PDSS2: variants seen among roughly 807,000 people sequenced by gnomAD.
PDSS2 encodes all trans-polyprenyl-diphosphate synthase PDSS2.
A neutral mutation model predicts 44.5 loss-of-function variants in PDSS2; 31 were observed. The observed-to-expected ratio is 0.70, with a 90% CI of 0.52 to 0.94. The LOEUF is 0.94. Ranked by LOEUF, PDSS2 falls within the 40% of genes least tolerant of loss-of-function variation. PDSS2 has a pLI of 0.00. For missense variants in PDSS2, 452 were observed against 482.2 expected, an observed-to-expected ratio of 0.94 and a Z score of 0.59; for synonymous variants, 157 against 180.3, an observed-to-expected ratio of 0.87 and a Z score of 1.03.
intron 1 of PDSS2, among the ~76,000 whole-genome samples, chr6:107,386,633 C>G (rs1052866583): frequency 6.6e-6 from 1 of 152,118 alleles, no homozygotes; most frequent in African/African-American, 2.4e-5. Context: ...CAAAGTAGGG[C>G]CAATCGAAGT....
intron 1 of PDSS2, among the ~76,000 whole-genome samples, chr6:107,438,057 C>A (rs1400598046): frequency 6.6e-6 from 1 of 152,118 alleles, no homozygotes; most frequent in Non-Finnish European, 1.5e-5. Context: ...CTGACAGAAA[C>A]GAAGTGGGCA....
intron 1 of PDSS2, among the ~76,000 whole-genome samples, chr6:107,445,609 T>C (rs1781645724): frequency 1.3e-5 from 2 of 152,196 alleles, no homozygotes; most frequent in African/African-American, 4.8e-5. Context: ...AAAATTCTGT[T>C]TTCTGAGCTT....
At chr6:107,253,392 CTT>C (rs958795343) in intron 3 of PDSS2, among the ~76,000 whole-genome samples, 17 of 152,208 alleles carry the variant, frequency 1.1e-4, no homozygotes, top group Non-Finnish European at 1.9e-4. Context: ...TAATAAATAA[CTT>C]TTACATTTAC....
intron 1 of PDSS2, among the ~76,000 whole-genome samples, chr6:107,388,908 C>G (rs1016880577): frequency 3.3e-5 from 5 of 152,082 alleles, no homozygotes; most frequent in Non-Finnish European, 5.9e-5. Context: ...CTGATTCACA[C>G]AATGAGATGG....
chr6:107,159,024 C>T (rs550238855), intron 7 of PDSS2, among the ~76,000 whole-genome samples: 61 of 152,098 alleles, frequency 4.0e-4, no homozygotes, highest in Non-Finnish European at 7.6e-4. Context: ...CCACTGCGCC[C>T]GGCCTTAACT....
intron 4 of PDSS2, among the ~76,000 whole-genome samples, chr6:107,214,592 T>C (rs982082141): frequency 6.6e-6 from 1 of 152,152 alleles, no homozygotes; most frequent in Non-Finnish European, 1.5e-5. Context: ...GAAGGATTAA[T>C]TAACTCAATA....
chr6:107,349,719 A>ATT (rs1778374919), intron 1 of PDSS2, among the ~76,000 whole-genome samples: 1 of 152,172 alleles, frequency 6.6e-6, no homozygotes, highest in Non-Finnish European at 1.5e-5. Context: ...ATTGCACTCC[A>ATT]GCCTGGGTGA....
At chr6:107,226,668 A>AT (rs61088823) in intron 4 of PDSS2, among the ~76,000 whole-genome samples, 3,907 of 132,236 alleles carry the variant, frequency 0.03, 139 homozygotes, top group African/African-American at 0.071. Flanking sequence ...GGATTTTGGA[A>AT]TTTTTTTTTT....
At chr6:107,362,235 C>A (rs149229574) in intron 1 of PDSS2, among the ~76,000 whole-genome samples, 9 of 152,168 alleles carry the variant, frequency 5.9e-5, no homozygotes, top group African/African-American at 2.2e-4. Flanking sequence ...AGCCTGCAGG[C>A]ATGTGCAGGT....
intron 6 of PDSS2, among the ~76,000 whole-genome samples, chr6:107,199,708 G>A (rs1163066883): frequency 1.3e-5 from 2 of 152,184 alleles, no homozygotes; most frequent in Non-Finnish European, 2.9e-5. Flanking sequence ...CAGTGTCTGA[G>A]TGAATGAATA....
chr6:107,225,161 ATTTTTTTTTTTT>A (rs71012786), intron 4 of PDSS2, among the ~76,000 whole-genome samples: 27 of 50,376 alleles, frequency 5.4e-4, no homozygotes, highest in African/African-American at 2.5e-3. Flanking sequence ...ATATATATAT[ATTTTTTTTTTTT>A]TTTTTTTTTT....
intron 1 of PDSS2, among the ~76,000 whole-genome samples, chr6:107,400,143 C>G (rs1276790883): frequency 1.3e-5 from 2 of 152,074 alleles, no homozygotes; most frequent in Non-Finnish European, 2.9e-5. Context: ...CTGACCCTAT[C>G]AAGTGCTGAT....
At chr6:107,263,357 G>T (rs1359046351) in intron 3 of PDSS2, among the ~76,000 whole-genome samples, 1 of 151,982 alleles carries the variant, frequency 6.6e-6, no homozygotes, top group Non-Finnish European at 1.5e-5. Flanking sequence ...GGAGGCTGAG[G>T]CAGAAGAATC....
chr6:107,174,748 A>G (rs1175697563), intron 7 of PDSS2, among the ~76,000 whole-genome samples: 1 of 152,252 alleles, frequency 6.6e-6, no homozygotes, highest in African/African-American at 2.4e-5. Context: ...TGACAAAACT[A>G]GAAAGAGACA....
intron 4 of PDSS2, among the ~76,000 whole-genome samples, chr6:107,225,161 A>ATTTTTT (rs71012786): frequency 2.0e-5 from 1 of 50,394 alleles, no homozygotes; most frequent in Non-Finnish European, 3.3e-5. Context: ...ATATATATAT[A>ATTTTTT]TTTTTTTTTT....
At chr6:107,329,931 GC>G (rs1374275902) in intron 2 of PDSS2, among the ~76,000 whole-genome samples, 5 of 150,874 alleles carry the variant, frequency 3.3e-5, no homozygotes, top group African/African-American at 9.8e-5. Context: ...AAACTGGGAG[GC>G]AGTGGCTTCA....
intron 2 of PDSS2, among the ~76,000 whole-genome samples, chr6:107,278,144 C>T (rs933969587): frequency 6.6e-6 from 1 of 151,962 alleles, no homozygotes; most frequent in South Asian, 2.1e-4. Flanking sequence ...TAATTGATTT[C>T]CTTTGTTAAA....
At position 107,153,156 on chromosome 6, in the gene PDSS2, G is replaced by A. The variant is rs1265850466; in HGVS notation, c.*1463C>T. 3.3e-5 allele frequency: 5 copies of A among 152,576 alleles called. No homozygotes were observed. Among genetic ancestry groups the A allele is most frequent in the Non-Finnish European group, 5.9e-5 (4 of 68,038 alleles). The allele number at this position is 152,576 out of a possible 1,614,324, so 9.5% of individuals were successfully genotyped here. On this transcript the variant is annotated 3_prime_UTR_variant, in exon 8 of 8. Coordinates refer to ENST00000369037, the MANE Select transcript of PDSS2 (RefSeq NM_020381.4). ...AAATAACTTCATGTAGTGTTTGAGCGAACTAGGTAATAAAATCTGTTTGCT... is the reference window on the plus strand; with the variant it reads ...AAATAACTTCATGTAGTGTTTGAGCAAACTAGGTAATAAAATCTGTTTGCT...
At position 107,244,946 on chromosome 6, in the gene PDSS2, T is replaced by C. The variant is rs183943202; in HGVS notation, c.702+602A>G. Among the ~76,000 whole-genome samples the C allele has an allele frequency of 2.7e-3, 418 of 152,292 alleles. 3 individuals are homozygous for C. The highest frequency in any genetic ancestry group is 9.0e-3 in the African/African-American group (373 of 41,562). On this transcript the variant is annotated intron_variant, in intron 4 of 7. Transcript: ENST00000369037. ...TAACATCCTACCGAAATGAAATAAC[T>C]GCATTTTAAGGAAATGAAACCTAAC...
Sources: allele counts gnomAD v4.1 joint callset (sites outside exome capture counted in the v4.1 genomes callset), GRCh38; gene constraint gnomAD v4.1.1; transcripts MANE v1.5; gene names NCBI Gene and HGNC (gene_info 2026-07-23, HGNC 2026-07-21).